TRPV1: variants seen among roughly 807,000 people sequenced by gnomAD.
TRPV1 encodes the protein OTRPC1.
TRPV1 carries 82 observed loss-of-function variants against 82.3 expected under a neutral mutation model. The ratio of observed to expected loss-of-function variants is 1.00; its 90% CI spans 0.83 to 1.20. The LOEUF (loss-of-function observed/expected upper bound fraction) is 1.20, where lower values mean the gene tolerates loss of function less well. Among genes scored for constraint, TRPV1 ranks in the 50% most tolerant of loss-of-function variants. TRPV1 has a pLI of 0.00. For synonymous variants in TRPV1, 515 were observed against 467.7 expected (o/e 1.10, Z -1.30); for missense variants, 1,067 against 1,096.8 (o/e 0.97, Z 0.38).
chr17:3,573,711 C>G lies in TRPV1; in HGVS notation c.2025G>C (p.Leu675=). 1.9e-6 allele frequency: 3 copies of G among 1,614,044 alleles called. No homozygotes were observed. In the South Asian group the frequency reaches 3.3e-5, roughly 18 times the overall value. Residue 675 remains leucine (L), a synonymous_variant, in exon 14 of 17, where the codon CTG becomes CTC. Transcript: ENST00000572705. ...CCATGAGGGCGATGAGCATGTTGAG[C>G]AGGAGGATGTAGGTGAGAATTACAT... is the stretch of plus-strand genomic sequence containing the variant. The part of the protein sequence containing the change: ...LAYVILTYIL[L]LNMLIALMGE...
intron 3 of TRPV1, among the ~76,000 whole-genome samples, 180 bp downstream of exon 3, chr17:3,591,887 C>G (rs937684372): frequency 6.6e-6 from 1 of 152,214 alleles, no homozygotes; most frequent in African/African-American, 2.4e-5. Context: ...GCACAGACAC[C>G]AGCCCCCGTG....
At chr17:3,583,514 C>T in intron 9 of TRPV1, 84 bp from the exon 10 acceptor site, 5 of 1,158,424 alleles carry the variant, frequency 4.3e-6, no homozygotes, top group Middle Eastern at 1.9e-4. Context: ...AGCCATAGTC[C>T]CTGCCCAGGA....
chr17:3,586,012 C>T, intron 8 of TRPV1, 86 bp from the exon 9 acceptor site: 1 of 1,539,568 alleles, frequency 6.5e-7, no homozygotes, highest in South Asian at 1.2e-5. Context: ...CCCTCACAGC[C>T]ATGTGGCCCG....
chr17:3,577,492 C>T (rs1435515180), intron 12 of TRPV1, 106 bp downstream of exon 12: 3 of 1,374,752 alleles, frequency 2.2e-6, no homozygotes, highest in Admixed American at 2.1e-5. Flanking sequence ...TAAACCAGCC[C>T]CTTCCCAGGC....
intron 2 of TRPV1, among the ~76,000 whole-genome samples, chr17:3,594,127 CAAAAAAAAAA>C (rs57620622): frequency 2.2e-5 from 1 of 46,482 alleles, no homozygotes; most frequent in Non-Finnish European, 3.2e-5. Context: ...AACTCTGTCT[CAAAAAAAAAA>C]AAAAAAAAAA....
rs2075295683 is a variant in TRPV1, at chr17:3,606,284, G to A, written c.-34+2143C>T. On this transcript the variant is annotated intron_variant, in intron 2 of 16. Transcript: ENST00000572705. ...AGGGCGCTTACTTCTCTGTCCCACTGCACGTCCCTCGCTGGTTGGTGAGAA... is the reference window on the plus strand; with the variant it reads ...AGGGCGCTTACTTCTCTGTCCCACTACACGTCCCTCGCTGGTTGGTGAGAA... Among the ~76,000 whole-genome samples, 3 of 152,138 alleles carry A rather than the reference G, an allele frequency of 2.0e-5. No homozygotes were observed. The South Asian group carries it at 6.2e-4, about 32-fold the overall frequency.
chr17:3,584,390 G>C (rs570124584), intron 9 of TRPV1, among the ~76,000 whole-genome samples: 1 of 120,552 alleles, frequency 8.3e-6, no homozygotes, highest in Admixed American at 1.0e-4. Context: ...AAAACAGAGA[G>C]AGACTCTGTC....
Position 3,566,673 on chromosome 17 carries a change from G to A in TRPV1, c.*142C>T. 1.9e-6 allele frequency: 2 copies of A among 1,036,046 alleles called. No individual in the cohort carries two copies. Among genetic ancestry groups the A allele is most frequent in the Non-Finnish European group, 2.7e-6 (2 of 730,448 alleles). The allele number at this position is 1,036,046 out of a possible 1,614,324, so 64.2% of individuals were successfully genotyped here. On this transcript the variant is annotated 3_prime_UTR_variant, in exon 17 of 17. Coordinates refer to ENST00000572705, the MANE Select transcript of TRPV1 (RefSeq NM_080704.4). ...CTTCCAAGAACGCTTCCCACAGCTT[G>A]TCCAGCACAGATTTGGGAACATGCT...
intron 16 of TRPV1, among the ~76,000 whole-genome samples, chr17:3,570,009 G>A (rs2074830548): frequency 6.7e-6 from 1 of 149,840 alleles, no homozygotes; most frequent in Non-Finnish European, 1.5e-5. Flanking sequence ...GGGCCAAGCG[G>A]TCAGGGAGGA....
In TRPV1 at chr17:3,566,984, G is replaced by A. The variant is rs1176858219; in HGVS notation, c.2351C>T (p.Ser784Leu). The A allele has an allele frequency of 5.6e-6, 9 of 1,613,742 alleles. No homozygotes were observed. Among genetic ancestry groups the A allele is most frequent in the Non-Finnish European group, 7.6e-6 (9 of 1,179,786 alleles). Reference sequence around the variant, plus strand: ...GGCAAAGTTCTTCCAGTGTCTGCCTGAAACTGAAGGGTAACACTATTACTA... The same window carrying A: ...GGCAAAGTTCTTCCAGTGTCTGCCTAAAACTGAAGGGTAACACTATTACTA... ...LSFSLRSSRV[S>L]GRHWKNFALV... Residue 784 changes from serine to leucine, a missense_variant, in exon 17 of 17, where the codon TCA (serine) becomes TTA (leucine). Ser to Leu is a moderately radical substitution (Grantham distance 145). Coordinates refer to ENST00000572705, the MANE Select transcript of TRPV1 (RefSeq NM_080704.4).
intron 8 of TRPV1, among the ~76,000 whole-genome samples, chr17:3,586,947 C>T (rs1250402760): frequency 2.6e-5 from 4 of 152,140 alleles, no homozygotes; most frequent in African/African-American, 7.2e-5. Flanking sequence ...GAATGGGAAA[C>T]TCCTTACTGC....
At chr17:3,590,841 C>A (rs2075147296) in intron 5 of TRPV1, 123 bp downstream of exon 5, 1 of 1,328,416 alleles carries the variant, frequency 7.5e-7, no homozygotes, top group Non-Finnish European at 1.0e-6. Context: ...TAGGAGCCAC[C>A]AACGCAGTGG....
rs1444944067 is a variant in TRPV1, at chr17:3,581,980, G to A, written c.1476+1358C>T. On this transcript the variant is annotated intron_variant, in intron 10 of 16. Transcript: ENST00000572705. ...CCAAGGTGGGCGGATCACGAGGTCA[G>A]GAGATCGAGACCATCCTGGCTAACA... Among the ~76,000 whole-genome samples the A allele has an allele frequency of 5.4e-5, 8 of 147,452 alleles. No individual in the cohort carries two copies. In the Admixed American group the frequency reaches 5.5e-4, roughly 10 times the overall value.
Position 3,597,217 on chromosome 17 carries a change from G to A in TRPV1, c.-33-4834C>T, listed in dbSNP as rs577393807. ...GCCCTTTTTCAGAAACCACTTAGCT[G>A]CTGCCCCTCCTCCAGCCATGCCAGG... On this transcript the variant is annotated intron_variant, in intron 2 of 16. Transcript: ENST00000572705. 1.9e-3 allele frequency: 292 copies of A among 155,836 alleles called. 3 individuals carry two copies. Among genetic ancestry groups the A allele is most frequent in the African/African-American group, 4.9e-3 (203 of 41,602 alleles). 9.7% of individuals were successfully genotyped at this position (155,836 alleles called of 1,614,324 possible). A position where few individuals can be genotyped will look rare whatever the true frequency, so the allele number is the denominator to read the frequency against.
At position 3,591,025 on chromosome 17, in the gene TRPV1, C is replaced by T. The variant is rs760600407; in HGVS notation, c.543G>A (p.Ala181=). Residue 181 remains alanine, a synonymous_variant, in exon 5 of 17, where the codon GCG becomes GCA. Transcript: ENST00000572705. The part of the protein sequence containing the change: ...NTTIPLLLEI[A]RQTDSLKELV... ...GCTCCTTCAGGCTGTCCGTTTGCCG[C>T]GCGATCTCCAGGAGCAGGGGGATGG... 33 of 1,612,072 alleles carry T rather than the reference C, an allele frequency of 2.0e-5. No homozygotes were observed. The highest frequency in any genetic ancestry group is 2.6e-5 in the Non-Finnish European group (31 of 1,179,264).
chr17:3,591,921 T>C, intron 3 of TRPV1, 146 bp downstream of exon 3: 3 of 1,238,414 alleles, frequency 2.4e-6, no homozygotes, highest in Non-Finnish European at 2.2e-6. Flanking sequence ...CGAGGTCACA[T>C]GAGGAAGGAC....
chr17:3,588,276 T>C lies in TRPV1; in HGVS notation c.1136A>G (p.His379Arg). 1 of 1,580,740 alleles carries C rather than the reference T, an allele frequency of 6.3e-7. No individual in the cohort carries two copies. The highest frequency in any genetic ancestry group is 8.6e-7 in the Non-Finnish European group (1 of 1,164,016). ...GCAGGACAGGTCGTACAGCGAGGAG[T>C]GCACGGGCCCGTAGGCCCACTCGGT... ...KFTEWAYGPV[H>R]SSLYDLSCID... Residue 379 changes from histidine to arginine, a missense_variant, in exon 8 of 17, where the codon CAC becomes CGC. By Grantham distance (29) the His-to-Arg change is conservative. Coordinates refer to ENST00000572705, the MANE Select transcript of TRPV1 (RefSeq NM_080704.4).
intron 2 of TRPV1, among the ~76,000 whole-genome samples, chr17:3,593,392 C>T (rs2075186521): frequency 6.6e-6 from 1 of 152,120 alleles, no homozygotes; most frequent in African/African-American, 2.4e-5. Context: ...CTGGCAGCAG[C>T]ATGTGTAGTT....
At position 3,577,955 on chromosome 17, in the gene TRPV1, C is replaced by T. The variant is rs1597521503; in HGVS notation, c.1548-192G>A. ...ATCGTCCCCAAGGAGCAGAAATTGG[C>T]TTGGTGAGGAGCTGTGCAAAATCTC... On this transcript the variant is annotated intron_variant, in intron 11 of 16. Transcript: ENST00000572705. 3 of 581,254 alleles carry T rather than the reference C, an allele frequency of 5.2e-6. No individual in the cohort carries two copies. The East Asian group carries it at 8.6e-5, about 17-fold the overall frequency. 36.0% of individuals were successfully genotyped at this position (581,254 alleles called of 1,614,324 possible).
Sources: gnomAD v4.1 joint callset for allele counts (sites outside exome capture counted in the v4.1 genomes callset) on GRCh38, gnomAD v4.1.1 for gene constraint, MANE v1.5 for transcripts, NCBI Gene and HGNC (gene_info 2026-07-23, HGNC 2026-07-21) for gene names.